EHF: variants seen among roughly 807,000 people sequenced by gnomAD.
EHF encodes the protein ETS homologous factor, also known as ESE3 transcription factor.
Under a neutral mutation model 45.1 loss-of-function variants are expected in EHF, and 14 were observed. That is an observed-to-expected ratio of 0.31 (90% CI 0.21 to 0.49). The LOEUF is 0.49. EHF is among the 20% of genes least tolerant of loss of function. The pLI is 0.99. For synonymous variants in EHF, 136 were observed against 131.8 expected, an observed-to-expected ratio of 1.03 and a Z score of -0.22; for missense variants, 282 against 371.4, an observed-to-expected ratio of 0.76 and a Z score of 1.98.
chr11:34,642,825 C>T (rs1468239972), intron 2 of EHF, 98 bp downstream of exon 2: 1 of 877,160 alleles, frequency 1.1e-6, no homozygotes, highest in East Asian at 2.6e-5. Flanking sequence ...ATAGGCTTTA[C>T]AGCAGAAGAT....
At chr11:34,647,891 G>T (rs538543709) in intron 3 of EHF, among the ~76,000 whole-genome samples, 2 of 152,300 alleles carry the variant, frequency 1.3e-5, no homozygotes, top group African/African-American at 2.4e-5. Context: ...TCTTCAAAAA[G>T]ATCAGACTTA....
rs368425107 is a variant in EHF, at chr11:34,658,502, A to G, written c.608-31A>G. 3.1e-6 allele frequency: 5 copies of G among 1,591,746 alleles called. No homozygotes were observed. In the African/African-American group the frequency reaches 4.1e-5, roughly 13 times the overall value. On this transcript the variant is annotated intron_variant, in intron 7 of 8. Transcript: ENST00000257831. ...CCCTATCTTTGCTGTGACTTAGATC[A>G]TTAGTAACCTGCCTTTCTGCTTTTC... is the stretch of plus-strand genomic sequence containing the variant.
chr11:34,647,653 G>A (rs377147557), intron 3 of EHF, among the ~76,000 whole-genome samples: 14 of 152,316 alleles, frequency 9.2e-5, no homozygotes, highest in African/African-American at 2.4e-4. Flanking sequence ...GGACTTGGGC[G>A]GCATGAGCTC....
chr11:34,623,420 TGATCTCC>T, intron 1 of EHF, among the ~76,000 whole-genome samples: 2 of 152,206 alleles, frequency 1.3e-5, no homozygotes, highest in African/African-American at 4.8e-5. Flanking sequence ...TAGTCTATCG[TGATCTCC>T]CAGTGGAAGT....
At chr11:34,637,416 G>T (rs1853548400) in intron 1 of EHF, among the ~76,000 whole-genome samples, 1 of 152,212 alleles carries the variant, frequency 6.6e-6, no homozygotes, top group South Asian at 2.1e-4. Context: ...GCGGGAGTTT[G>T]TGTGTACCTG....
At position 34,661,250 on chromosome 11, in the gene EHF, T is replaced by C. The variant is rs1856062442; in HGVS notation, c.*2319T>C. Among the ~76,000 whole-genome samples the C allele has an allele frequency of 6.6e-6, 1 of 152,160 alleles. No individual in the cohort carries two copies. Among genetic ancestry groups the C allele is most frequent in the South Asian group, 2.1e-4 (1 of 4,828 alleles). ...GAATATTTGTGTGTCTGTGTGTGTG[T>C]CTGAGTTGTGTGATTTTATTAGGGG... On this transcript the variant is annotated 3_prime_UTR_variant, in exon 9 of 9. Coordinates refer to ENST00000257831, the MANE Select transcript of EHF (RefSeq NM_012153.6).
rs1266701464 is a variant in EHF at position 34,646,695 on chromosome 11, C to T, written c.343+11C>T. 3 of 1,605,842 alleles carry T rather than the reference C, an allele frequency of 1.9e-6. No individual in the cohort carries two copies. Among genetic ancestry groups the T allele is most frequent in the East Asian group, 2.2e-5 (1 of 44,872 alleles). On this transcript the variant is annotated intron_variant, in intron 3 of 8. Coordinates refer to ENST00000257831, the MANE Select transcript of EHF (RefSeq NM_012153.6). The stretch of plus-strand genomic sequence containing the variant: ...ATCTGAAGTGGAACGGTGACTCTCT[C>T]TTTCTGTGTCTCTCCCTACCCTGCT...
chr11:34,642,749 G>C, intron 2 of EHF, 22 bp downstream of exon 2: 1 of 1,554,008 alleles, frequency 6.4e-7, no homozygotes, highest in Non-Finnish European at 8.9e-7. Flanking sequence ...TGTGGGTGTT[G>C]GTGTCACTGC....
In EHF at chr11:34,659,034, A is replaced by G. The variant is rs1405134259; in HGVS notation, c.*103A>G. Reference sequence around the variant, plus strand: ...CAAAGACTACTTTTCTCTGATATTTATGTACCATGAGGGGAACAAGAAACT... The same window carrying G: ...CAAAGACTACTTTTCTCTGATATTTGTGTACCATGAGGGGAACAAGAAACT... On this transcript the variant is annotated 3_prime_UTR_variant, in exon 9 of 9. Transcript: ENST00000257831. The G allele has an allele frequency of 9.1e-6, 8 of 881,482 alleles. No homozygotes were observed. The highest frequency in any genetic ancestry group is 1.7e-5 in the African/African-American group (1 of 58,678). The allele number at this position is 881,482 out of a possible 1,614,324, so 54.6% of individuals were successfully genotyped here. A position where few individuals can be genotyped will look rare whatever the true frequency, so the allele number is the denominator to read the frequency against.
intron 1 of EHF, 81 bp from the exon 2 acceptor site, chr11:34,642,547 A>G: frequency 1.2e-6 from 1 of 867,126 alleles, no homozygotes; most frequent in Non-Finnish European, 1.9e-6. Context: ...TTTTCTTCCT[A>G]AATTTACTCT....
intron 6 of EHF, among the ~76,000 whole-genome samples, chr11:34,654,294 A>G (rs1021055949): frequency 6.6e-6 from 1 of 152,216 alleles, no homozygotes; most frequent in African/African-American, 2.4e-5. Flanking sequence ...TCTCCAGGGC[A>G]AGCCATTATT....
At chr11:34,642,774 T>C (rs773194156) in intron 2 of EHF, 47 bp downstream of exon 2, 1 of 1,383,438 alleles carries the variant, frequency 7.2e-7, no homozygotes. Flanking sequence ...CTGTGTGGGC[T>C]CTTTGCTTTA....
intron 1 of EHF, among the ~76,000 whole-genome samples, chr11:34,636,073 C>A (rs931132918): frequency 2.0e-5 from 3 of 152,200 alleles, no homozygotes; most frequent in African/African-American, 7.2e-5. Context: ...AGCTTTGAAG[C>A]TTTGCTCGAA....
At chr11:34,657,521 A>C (rs1855778748) in intron 7 of EHF, among the ~76,000 whole-genome samples, 1 of 152,096 alleles carries the variant, frequency 6.6e-6, no homozygotes, top group African/African-American at 2.4e-5. Context: ...AGATGGTATA[A>C]TCTAGGCCTG....
At chr11:34,637,829 C>G (rs1368544150) in intron 1 of EHF, among the ~76,000 whole-genome samples, 1 of 151,810 alleles carries the variant, frequency 6.6e-6, no homozygotes, top group Non-Finnish European at 1.5e-5. Flanking sequence ...CCAATTGTTC[C>G]TACCTATGAA....
At chr11:34,634,672 A>G (rs1853221286) in intron 1 of EHF, among the ~76,000 whole-genome samples, 1 of 152,230 alleles carries the variant, frequency 6.6e-6, no homozygotes, top group South Asian at 2.1e-4. Flanking sequence ...CGATTTCCCA[A>G]ATACAAAATT....
rs1158798214 is a variant in EHF at position 34,662,828 on chromosome 11, C to T, written c.*3897C>T. On this transcript the variant is annotated 3_prime_UTR_variant, in exon 9 of 9. Transcript: ENST00000257831. ...TAATTATGTAGGAAGCAATAGATCT[C>T]GGTAGTTACGTATTGGGCAGATACT... is the stretch of plus-strand genomic sequence containing the variant. Among the ~76,000 whole-genome samples the T allele has an allele frequency of 1.3e-5, 2 of 151,936 alleles. No individual in the cohort carries two copies. Among genetic ancestry groups the T allele is most frequent in the African/African-American group, 4.8e-5 (2 of 41,376 alleles).
intron 1 of EHF, among the ~76,000 whole-genome samples, chr11:34,623,124 C>T (rs1244065744): frequency 1.3e-5 from 2 of 152,098 alleles, no homozygotes; most frequent in South Asian, 2.1e-4. Context: ...AAGTCTCCGT[C>T]GCCCAGCCTG....
chr11:34,642,087 A>T (rs1449227717), intron 1 of EHF: 1 of 152,674 alleles, frequency 6.5e-6, no homozygotes, highest in Non-Finnish European at 1.5e-5. Context: ...CTCTATTAAA[A>T]TATGACTGAG....
Sources: gnomAD v4.1 joint callset for allele counts (sites outside exome capture counted in the v4.1 genomes callset) on GRCh38, gnomAD v4.1.1 for gene constraint, MANE v1.5 for transcripts, NCBI Gene and HGNC (gene_info 2026-07-23, HGNC 2026-07-21) for gene names.